PTPRD: variants seen among roughly 807,000 people sequenced by gnomAD.
PTPRD encodes receptor-type tyrosine-protein phosphatase delta.
In PTPRD, 34 loss-of-function variants were observed where a neutral mutation model predicts 214.5. The ratio of observed to expected loss-of-function variants is 0.16; its 90% CI spans 0.12 to 0.21. PTPRD has a LOEUF of 0.21. PTPRD is among the 10% of genes least tolerant of loss of function. PTPRD has a pLI of 1.00. For synonymous variants in PTPRD, 1,128 were observed against 845.7 expected, an observed-to-expected ratio of 1.33 and a Z score of -5.79; for missense variants, 2,545 against 2,398.7, an observed-to-expected ratio of 1.06 and a Z score of -1.27.
At chr9:8,500,050 C>CAAAAAAAAAAAAAAAAAAAGA (rs34424655) in intron 24 of PTPRD, among the ~76,000 whole-genome samples, 1 of 78,338 alleles carries the variant, frequency 1.3e-5, no homozygotes, top group Non-Finnish European at 2.6e-5. Context: ...ATGACCGATG[C>CAAAAAAAAAAAAAAAAAAAGA]AAAAAAAAAA....
At chr9:8,624,860 C>A (rs2095963085) in intron 14 of PTPRD, among the ~76,000 whole-genome samples, 1 of 151,778 alleles carries the variant, frequency 6.6e-6, no homozygotes, top group African/African-American at 2.4e-5. Context: ...CTTCTTGACT[C>A]TCAATCACGC....
chr9:9,346,590 A>C (rs2048886988), intron 9 of PTPRD, among the ~76,000 whole-genome samples: 1 of 152,186 alleles, frequency 6.6e-6, no homozygotes, highest in South Asian at 2.1e-4. Context: ...AGTTGTTCTT[A>C]AACATACGGA....
intron 3 of PTPRD, among the ~76,000 whole-genome samples, chr9:10,330,872 GC>G (rs1442020377): frequency 6.6e-6 from 1 of 151,762 alleles, no homozygotes; most frequent in Non-Finnish European, 1.5e-5. Flanking sequence ...TGCATGTGTG[GC>G]TCACTGGTAA....
chr9:10,200,062 T>G lies in PTPRD; in HGVS notation c.-545+140901A>C, dbSNP rs551978376. On this transcript the variant is annotated intron_variant, in intron 3 of 45. Coordinates refer to ENST00000381196, the MANE Select transcript of PTPRD (RefSeq NM_002839.4). ...TTCTTCTATACAGATGTGTAAAAAT[T>G]TTATATCATGTAATATTAGTGATCA... Among the ~76,000 whole-genome samples the G allele has an allele frequency of 2.6e-5, 4 of 152,122 alleles. No individual in the cohort carries two copies. In the South Asian group the frequency reaches 8.3e-4, roughly 32 times the overall value.
At chr9:8,768,230 G>C (rs2094913963) in intron 11 of PTPRD, among the ~76,000 whole-genome samples, 1 of 152,032 alleles carries the variant, frequency 6.6e-6, no homozygotes, top group African/African-American at 2.4e-5. Flanking sequence ...CCCCCATCTT[G>C]ATTAAAAAAA....
chr9:9,248,188 G>T (rs2099973901), intron 9 of PTPRD, among the ~76,000 whole-genome samples: 1 of 151,892 alleles, frequency 6.6e-6, no homozygotes, highest in African/African-American at 2.4e-5. Context: ...TAACTCCCAG[G>T]TTCAAGTGAT....
At chr9:8,345,576 G>A (rs562999160) in intron 39 of PTPRD, among the ~76,000 whole-genome samples, 1 of 152,076 alleles carries the variant, frequency 6.6e-6, no homozygotes, top group African/African-American at 2.4e-5. Context: ...CTCCCTTGGG[G>A]TTAATGGTAG....
chr9:9,870,464 T>TAC (rs1482653393), intron 5 of PTPRD, among the ~76,000 whole-genome samples: 1 of 152,018 alleles, frequency 6.6e-6, no homozygotes, highest in African/African-American at 2.4e-5. Flanking sequence ...AAGTTGCCCA[T>TAC]ACCCTTTAAT....
At chr9:9,329,111 C>T (rs2041310729) in intron 9 of PTPRD, among the ~76,000 whole-genome samples, 1 of 151,870 alleles carries the variant, frequency 6.6e-6, no homozygotes, top group African/African-American at 2.4e-5. Flanking sequence ...TTCCCAAAAC[C>T]ACCTCCAATT....
intron 39 of PTPRD, among the ~76,000 whole-genome samples, chr9:8,345,747 G>A (rs889567468): frequency 2.0e-5 from 3 of 152,084 alleles, no homozygotes; most frequent in Admixed American, 2.0e-4. Context: ...AATCAAAGAT[G>A]AACTCTAAAT....
At chr9:8,592,138 T>C (rs1239148402) in intron 14 of PTPRD, among the ~76,000 whole-genome samples, 1 of 152,164 alleles carries the variant, frequency 6.6e-6, no homozygotes, top group Non-Finnish European at 1.5e-5. Context: ...AAATAAGACA[T>C]ATTGACAATA....
In PTPRD at chr9:8,629,867, A is replaced by T. The variant is rs139754511; in HGVS notation, c.352+3450T>A. Among the ~76,000 whole-genome samples the T allele has an allele frequency of 1.7e-4, 26 of 151,940 alleles. No individual in the cohort carries two copies. In the East Asian group the frequency reaches 4.9e-3, roughly 28 times the overall value. ...AAATATCTTATTTCGGGGCACATTC[A>T]GCCTGAGCTTGTGGTTATCCCTCCT... On this transcript the variant is annotated intron_variant, in intron 14 of 45. Coordinates refer to ENST00000381196, the MANE Select transcript of PTPRD (RefSeq NM_002839.4).
intron 12 of PTPRD, among the ~76,000 whole-genome samples, chr9:8,729,175 T>A (rs374788938): frequency 7.9e-5 from 12 of 152,118 alleles, no homozygotes; most frequent in African/African-American, 2.9e-4. Context: ...GAGGCAACCG[T>A]ACAAACAGAG....
chr9:8,381,661 T>C (rs575984532), intron 37 of PTPRD, among the ~76,000 whole-genome samples: 3 of 152,222 alleles, frequency 2.0e-5, no homozygotes, highest in Admixed American at 1.3e-4. Flanking sequence ...AGCCATAAAG[T>C]TGAAAAATAT....
At chr9:8,958,037 C>T (rs1025617601) in intron 11 of PTPRD, among the ~76,000 whole-genome samples, 3 of 151,860 alleles carry the variant, frequency 2.0e-5, no homozygotes, top group Admixed American at 6.6e-5. Flanking sequence ...CTCCTTAAAA[C>T]GTAATGCTAA....
At chr9:8,534,224 C>G (rs111240739) in intron 14 of PTPRD, among the ~76,000 whole-genome samples, 1 of 151,862 alleles carries the variant, frequency 6.6e-6, no homozygotes, top group African/African-American at 2.4e-5. Context: ...TCAGTTCCTA[C>G]GTGTCAGAAG....
chr9:10,231,241 G>C (rs185642106), intron 3 of PTPRD, among the ~76,000 whole-genome samples: 2 of 151,502 alleles, frequency 1.3e-5, no homozygotes, highest in Admixed American at 1.3e-4. Flanking sequence ...AAGAATATAT[G>C]AAATAATGAA....
At chr9:9,615,423 T>C (rs1353841908) in intron 7 of PTPRD, among the ~76,000 whole-genome samples, 4 of 152,124 alleles carry the variant, frequency 2.6e-5, no homozygotes, top group African/African-American at 4.8e-5. Flanking sequence ...CCAGTAAACA[T>C]CTCTGCTCTC....
At position 8,314,756 on chromosome 9, in the gene PTPRD, G is replaced by C. The variant is rs1053667576; in HGVS notation, c.*3118C>G. 1.3e-5 allele frequency: 3 copies of C among 231,988 alleles called. No individual in the cohort carries two copies. The highest frequency in any genetic ancestry group is 6.7e-5 in the African/African-American group (3 of 45,032). 14.4% of individuals were successfully genotyped at this position (231,988 alleles called of 1,614,324 possible). ...TTTTCCCTTCCTGTTTCTATGTTGT[G>C]TTATTTACATACACACAAATGAATT... On this transcript the variant is annotated 3_prime_UTR_variant, in exon 46 of 46. Coordinates refer to ENST00000381196, the MANE Select transcript of PTPRD (RefSeq NM_002839.4).
Sources: gnomAD v4.1 joint callset for allele counts (sites outside exome capture counted in the v4.1 genomes callset) on GRCh38, gnomAD v4.1.1 for gene constraint, MANE v1.5 for transcripts, NCBI Gene and HGNC (gene_info 2026-07-23, HGNC 2026-07-21) for gene names.